Variants in DLGAP2 observed in about 807,000 individuals in gnomAD.
DLGAP2 encodes the protein disks large-associated protein 2.
In DLGAP2, 26 loss-of-function variants were observed where a neutral mutation model predicts 100.3. The ratio of observed to expected loss-of-function variants is 0.26; its 90% CI spans 0.19 to 0.36. DLGAP2 has a LOEUF of 0.36. Ranked by LOEUF, DLGAP2 falls within the 10% of genes least tolerant of loss-of-function variation. The probability of loss-of-function intolerance (pLI) is 1.00; values close to 1 mark genes in which losing one functional copy is unlikely to be tolerated. For synonymous variants in DLGAP2, 886 were observed against 630.1 expected (o/e 1.41, Z -6.08); for missense variants, 1,858 against 1,453.2 (o/e 1.28, Z -4.53).
intron 1 of DLGAP2, among the ~76,000 whole-genome samples, chr8:779,482 C>G (rs79587402): frequency 9.3e-5 from 9 of 97,218 alleles, no homozygotes; most frequent in Non-Finnish European, 1.5e-4. Context: ...TTTTTTTTTT[C>G]AGACAGGGTC....
Position 1,308,873 on chromosome 8 carries a change from A to G in DLGAP2, c.106+49990A>G, listed in dbSNP as rs150092891. Among the ~76,000 whole-genome samples the G allele has an allele frequency of 1.9e-3, 289 of 152,310 alleles. 4 individuals carry two copies. Among genetic ancestry groups the G allele is most frequent in the Middle Eastern group, 6.8e-3 (2 of 294 alleles). On this transcript the variant is annotated intron_variant, in intron 3 of 14. Coordinates refer to ENST00000637795, the MANE Select transcript of DLGAP2 (RefSeq NM_001346810.2). ...TCTTAAATATGCCCCAAAACTAAAG[A>G]ACACTGGGAAACAATGTATGAAGAA... is the stretch of plus-strand genomic sequence containing the variant.
chr8:1,378,002 G>C (rs559790456), intron 3 of DLGAP2: 19 of 153,026 alleles, frequency 1.2e-4, no homozygotes, highest in Admixed American at 9.8e-4. Flanking sequence ...CCTCAGGCTT[G>C]GTCCCTCTCA....
At chr8:879,137 G>C (rs1035547024) in intron 1 of DLGAP2, among the ~76,000 whole-genome samples, 3 of 152,124 alleles carry the variant, frequency 2.0e-5, no homozygotes, top group Non-Finnish European at 4.4e-5. Context: ...ATCTTACCTA[G>C]GATCACAAAG....
At chr8:996,535 A>T (rs1192179144) in intron 2 of DLGAP2, among the ~76,000 whole-genome samples, 1 of 152,206 alleles carries the variant, frequency 6.6e-6, no homozygotes, top group Non-Finnish European at 1.5e-5. Flanking sequence ...GGCTACATTA[A>T]TGAAAGTCCT....
At position 1,017,727 on chromosome 8, in the gene DLGAP2, G is replaced by A. The variant is rs1274700775; in HGVS notation, c.73+109761G>A. Among the ~76,000 whole-genome samples the A allele has an allele frequency of 3.9e-5, 6 of 152,070 alleles. No homozygotes were observed. In the East Asian group the frequency reaches 7.7e-4, roughly 20 times the overall value. On this transcript the variant is annotated intron_variant, in intron 2 of 14. Transcript: ENST00000637795. ...ATACCCAGGGCTGTAGAAGCAGGACGGGGACTGACTGAGCCTGCAAGGGGC... is the reference window on the plus strand; with the variant it reads ...ATACCCAGGGCTGTAGAAGCAGGACAGGGACTGACTGAGCCTGCAAGGGGC...
At chr8:1,596,392 A>G (rs2130689684) in intron 6 of DLGAP2, among the ~76,000 whole-genome samples, 1 of 152,330 alleles carries the variant, frequency 6.6e-6, no homozygotes, top group East Asian at 1.9e-4. Context: ...ATACCCAGTA[A>G]TGGGATTGCT....
At chr8:1,591,873 A>G (rs546140452) in intron 6 of DLGAP2, among the ~76,000 whole-genome samples, 1 of 152,282 alleles carries the variant, frequency 6.6e-6, no homozygotes, top group Admixed American at 6.5e-5. Flanking sequence ...TCTGACATGA[A>G]CTACAAACTC....
At chr8:1,227,783 G>A (rs1288476533) in intron 2 of DLGAP2, among the ~76,000 whole-genome samples, 1 of 152,136 alleles carries the variant, frequency 6.6e-6, no homozygotes, top group African/African-American at 2.4e-5. Flanking sequence ...AGGTGAGAGG[G>A]TACAAAGGAG....
chr8:877,459 G>C (rs1010780332), intron 1 of DLGAP2, among the ~76,000 whole-genome samples: 1 of 152,216 alleles, frequency 6.6e-6, no homozygotes, highest in South Asian at 2.1e-4. Context: ...ACAGTGGTAT[G>C]GGCAGGCTTT....
At chr8:1,615,210 G>C (rs1047559542) in intron 6 of DLGAP2, among the ~76,000 whole-genome samples, 2 of 152,178 alleles carry the variant, frequency 1.3e-5, no homozygotes, top group African/African-American at 4.8e-5. Context: ...GTGAAGATCA[G>C]TCTGGAGGCT....
intron 2 of DLGAP2, among the ~76,000 whole-genome samples, chr8:1,044,809 A>G (rs987964023): frequency 1.3e-5 from 2 of 152,042 alleles, no homozygotes; most frequent in Non-Finnish European, 2.9e-5. Context: ...ACCTCGGGTC[A>G]CCTCTCGACC....
intron 1 of DLGAP2, among the ~76,000 whole-genome samples, chr8:773,326 C>CT (rs34973201): frequency 0.16 from 22,985 of 146,818 alleles, 2,215 homozygotes; most frequent in East Asian, 0.55. Context: ...TTAATCACTT[C>CT]TTTTTTTTTT....
intron 4 of DLGAP2, among the ~76,000 whole-genome samples, chr8:1,518,519 G>A (rs536036364): frequency 6.6e-6 from 1 of 152,318 alleles, no homozygotes; most frequent in Admixed American, 6.5e-5. Context: ...GAGCATGGCT[G>A]TGGTGACTGT....
intron 2 of DLGAP2, among the ~76,000 whole-genome samples, chr8:1,179,431 C>T (rs1797333599): frequency 6.6e-6 from 1 of 152,240 alleles, no homozygotes; most frequent in South Asian, 2.1e-4. Flanking sequence ...TCTGGGAAGG[C>T]TCAGCTCCCT....
Position 920,793 on chromosome 8 carries a change from T to TA in DLGAP2, c.73+12836dup, listed in dbSNP as rs758191693. On this transcript the variant is annotated intron_variant, in intron 2 of 14. Transcript: ENST00000637795. Reference sequence around the variant, plus strand: ...GAGCGGAACCCTGTCTCAAAAGATATAAAAAAAAATAAATAAAAATAATTG... The same window carrying TA: ...GAGCGGAACCCTGTCTCAAAAGATATAAAAAAAAAATAAATAAAAATAATTG... Among the ~76,000 whole-genome samples, 503 of 151,348 alleles carry TA rather than the reference T, an allele frequency of 3.3e-3. 1 individual carries two copies. The highest frequency in any genetic ancestry group is 5.0e-3 in the Non-Finnish European group (336 of 67,800).
At chr8:915,884 A>G (rs11779673) in intron 2 of DLGAP2, among the ~76,000 whole-genome samples, 59,916 of 132,032 alleles carry the variant, frequency 0.45, 13,179 homozygotes, top group Admixed American at 0.58. Context: ...GTCCCAGGGC[A>G]TGGTTTCCGT....
intron 2 of DLGAP2, chr8:927,086 C>A: frequency 6.1e-6 from 6 of 985,308 alleles, no homozygotes; most frequent in Non-Finnish European, 7.2e-6. Context: ...TGGGAGGGCC[C>A]CAGTGGCCGG....
intron 4 of DLGAP2, among the ~76,000 whole-genome samples, chr8:1,546,612 G>C (rs1449381898): frequency 6.6e-6 from 1 of 152,132 alleles, no homozygotes; most frequent in Non-Finnish European, 1.5e-5. Flanking sequence ...TTTTGCCTTG[G>C]TTACCTGGAG....
At chr8:1,390,814 G>A (rs557015230) in intron 3 of DLGAP2, among the ~76,000 whole-genome samples, 4 of 152,294 alleles carry the variant, frequency 2.6e-5, no homozygotes, top group South Asian at 4.1e-4. Context: ...TCCACAGAGC[G>A]AGCCCATAGC....
Sources: gnomAD v4.1 joint callset for allele counts (sites outside exome capture counted in the v4.1 genomes callset) on GRCh38, gnomAD v4.1.1 for gene constraint, MANE v1.5 for transcripts, NCBI Gene and HGNC (gene_info 2026-07-23, HGNC 2026-07-21) for gene names.